NKAIN2: variants seen among roughly 807,000 people sequenced by gnomAD.
NKAIN2 encodes the protein sodium/potassium transporting ATPase interacting 2, also known as sodium/potassium-transporting ATPase subunit beta-1-interacting protein 2.
A neutral mutation model predicts 32.6 loss-of-function variants in NKAIN2; 14 were observed. That is an observed-to-expected ratio of 0.43 (90% confidence interval 0.28 to 0.67). The LOEUF (loss-of-function observed/expected upper bound fraction) is 0.67. Among genes scored for constraint, NKAIN2 ranks in the 30% least tolerant of loss-of-function variants. The pLI is 0.17. For missense variants in NKAIN2, 198 were observed against 258.3 expected (o/e 0.77, Z 1.60); for synonymous variants, 80 against 87.2 (o/e 0.92, Z 0.46).
chr6:124,154,930 G>A (rs1451627674), intron 1 of NKAIN2, among the ~76,000 whole-genome samples: 1 of 152,074 alleles, frequency 6.6e-6, no homozygotes, highest in African/African-American at 2.4e-5. Flanking sequence ...ATGAAAATGT[G>A]ATTTTTAATC....
At chr6:123,807,196 A>G (rs967015419) in intron 1 of NKAIN2, among the ~76,000 whole-genome samples, 1 of 152,126 alleles carries the variant, frequency 6.6e-6, no homozygotes. Context: ...AAAACAAGAA[A>G]CTAGAATTCC....
intron 3 of NKAIN2, among the ~76,000 whole-genome samples, chr6:124,526,966 T>C (rs1164629884): frequency 1.3e-5 from 2 of 152,184 alleles, no homozygotes; most frequent in Non-Finnish European, 2.9e-5. Context: ...TCAGCTATTG[T>C]AGGAATAGGT....
At chr6:124,296,873 C>T (rs1796077450) in intron 2 of NKAIN2, among the ~76,000 whole-genome samples, 1 of 152,138 alleles carries the variant, frequency 6.6e-6, no homozygotes, top group Non-Finnish European at 1.5e-5. Context: ...TGTTGTACAT[C>T]ACACACGGAC....
chr6:123,963,082 A>C (rs1777921959), intron 1 of NKAIN2, among the ~76,000 whole-genome samples: 1 of 152,052 alleles, frequency 6.6e-6, no homozygotes, highest in South Asian at 2.1e-4. Context: ...AAAAACTAAT[A>C]ATTTGGCTAA....
chr6:123,934,716 C>A (rs1301745668), intron 1 of NKAIN2, among the ~76,000 whole-genome samples: 1 of 152,020 alleles, frequency 6.6e-6, no homozygotes, highest in African/African-American at 2.4e-5. Flanking sequence ...GACCACAGTA[C>A]TTTTCAGGAA....
At chr6:124,199,773 A>G (rs1582835394) in intron 1 of NKAIN2, among the ~76,000 whole-genome samples, 1 of 152,182 alleles carries the variant, frequency 6.6e-6, no homozygotes. Context: ...TGATGTTTTC[A>G]GTATAATCAA....
intron 4 of NKAIN2, among the ~76,000 whole-genome samples, chr6:124,781,202 GAGA>G (rs1333570144): frequency 3.9e-5 from 6 of 152,248 alleles, no homozygotes; most frequent in African/African-American, 1.4e-4. Context: ...GTGTGAAAAT[GAGA>G]AGCATAGGAT....
At chr6:124,786,013 T>C (rs1416371060) in intron 4 of NKAIN2, among the ~76,000 whole-genome samples, 30 of 152,130 alleles carry the variant, frequency 2.0e-4, no homozygotes. Flanking sequence ...TTCTGTTTTC[T>C]ATGGTGTTGG....
intron 1 of NKAIN2, among the ~76,000 whole-genome samples, chr6:124,131,817 CA>C (rs1169041002): frequency 2.0e-5 from 3 of 152,066 alleles, no homozygotes; most frequent in Non-Finnish European, 2.9e-5. Flanking sequence ...GGAGGGCTTG[CA>C]GGGTAAAAGA....
At chr6:124,543,314 C>T (rs1013184116) in intron 3 of NKAIN2, among the ~76,000 whole-genome samples, 14 of 152,142 alleles carry the variant, frequency 9.2e-5, no homozygotes, top group African/African-American at 3.4e-4. Context: ...ATAATTAATA[C>T]CTTTACAAGC....
chr6:124,430,302 T>C (rs1775160451), intron 3 of NKAIN2, among the ~76,000 whole-genome samples: 1 of 152,254 alleles, frequency 6.6e-6, no homozygotes, highest in Non-Finnish European at 1.5e-5. Context: ...ACTTTGTGCA[T>C]ATGAGCACAT....
At chr6:123,841,545 T>C (rs1036810547) in intron 1 of NKAIN2, among the ~76,000 whole-genome samples, 4 of 152,198 alleles carry the variant, frequency 2.6e-5, no homozygotes, top group African/African-American at 9.7e-5. Context: ...ACCTCATAAC[T>C]TTCTTTTATG....
intron 1 of NKAIN2, among the ~76,000 whole-genome samples, chr6:124,236,204 A>G (rs1792750673): frequency 6.6e-6 from 1 of 152,186 alleles, no homozygotes; most frequent in Non-Finnish European, 1.5e-5. Context: ...GCAGTATGCT[A>G]TGTGATATGT....
intron 5 of NKAIN2, chr6:124,804,540 G>A (rs7753260): frequency 0.045 from 14,566 of 325,826 alleles, 389 homozygotes; most frequent in South Asian, 0.11. Flanking sequence ...GAACAGCTCC[G>A]GTCTACAGCT....
At chr6:124,675,383 T>C (rs1265284990) in intron 4 of NKAIN2, among the ~76,000 whole-genome samples, 1 of 152,128 alleles carries the variant, frequency 6.6e-6, no homozygotes, top group African/African-American at 2.4e-5. Flanking sequence ...GTGGTTCTGA[T>C]ATCAGGACAA....
intron 1 of NKAIN2, among the ~76,000 whole-genome samples, chr6:124,163,401 G>A (rs1788374359): frequency 6.6e-6 from 1 of 150,472 alleles, no homozygotes; most frequent in Admixed American, 6.7e-5. Flanking sequence ...ATGTCTCATT[G>A]ATATTTTTTT....
intron 1 of NKAIN2, among the ~76,000 whole-genome samples, chr6:124,244,476 T>C (rs189977554): frequency 6.6e-6 from 1 of 152,116 alleles, no homozygotes; most frequent in African/African-American, 2.4e-5. Flanking sequence ...AGATATCTTA[T>C]CTGCAGGTAC....
At chr6:123,835,251 A>T (rs1774568178) in intron 1 of NKAIN2, among the ~76,000 whole-genome samples, 1 of 152,196 alleles carries the variant, frequency 6.6e-6, no homozygotes, top group Admixed American at 6.5e-5. Context: ...AGCATTTGAA[A>T]TTCCACCCAC....
At chr6:124,727,021 G>A (rs1264753606) in intron 4 of NKAIN2, among the ~76,000 whole-genome samples, 1 of 151,650 alleles carries the variant, frequency 6.6e-6, no homozygotes, top group East Asian at 1.9e-4. Context: ...AGAACAAAAA[G>A]AAATGAGCAA....
Sources: gnomAD v4.1 joint callset for allele counts (sites outside exome capture counted in the v4.1 genomes callset) on GRCh38, gnomAD v4.1.1 for gene constraint, MANE v1.5 for transcripts, NCBI Gene and HGNC (gene_info 2026-07-23, HGNC 2026-07-21) for gene names.